The following PKN2 variants were observed in gnomAD, a reference collection of about 807,000 sequenced individuals.
PKN2 encodes the protein protein kinase N2.
In PKN2, 38 loss-of-function variants were observed where a neutral mutation model predicts 119.1. The ratio of observed to expected loss-of-function variants is 0.32; its 90% confidence interval spans 0.25 to 0.42. PKN2 has a LOEUF of 0.42. Ranked by LOEUF, PKN2 falls within the 10% of genes least tolerant of loss-of-function variation. The pLI, the probability that PKN2 is intolerant of heterozygous loss-of-function variation, is 1.00. For missense variants in PKN2, 850 were observed against 1,165.1 expected (o/e 0.73, Z 3.94); for synonymous variants, 390 against 384.9 (o/e 1.01, Z -0.15).
intron 6 of PKN2, among the ~76,000 whole-genome samples, chr1:88,779,195 G>C (rs1255248286): frequency 7.6e-6 from 1 of 130,758 alleles, no homozygotes; most frequent in Non-Finnish European, 1.7e-5. Flanking sequence ...TGGGAGTGAA[G>C]GGAGGGATGA....
At chr1:88,770,057 T>C (rs1392473024) in intron 3 of PKN2, among the ~76,000 whole-genome samples, 1 of 152,196 alleles carries the variant, frequency 6.6e-6, no homozygotes, top group Non-Finnish European at 1.5e-5. Context: ...CAAAACATCA[T>C]GTACACTGCA....
At chr1:88,825,580 C>G (rs1672468423) in intron 18 of PKN2, among the ~76,000 whole-genome samples, 1 of 152,160 alleles carries the variant, frequency 6.6e-6, no homozygotes, top group African/African-American at 2.4e-5. Context: ...TCACAAAATT[C>G]TACTGCCACT....
intron 17 of PKN2, among the ~76,000 whole-genome samples, chr1:88,823,936 G>A (rs1672395809): frequency 6.7e-6 from 1 of 148,432 alleles, no homozygotes; most frequent in South Asian, 2.1e-4. Context: ...TTGTACCCGG[G>A]AGGCAGAGGT....
chr1:88,733,656 T>C (rs1355076794), intron 1 of PKN2, among the ~76,000 whole-genome samples: 1 of 152,212 alleles, frequency 6.6e-6, no homozygotes, highest in Non-Finnish European at 1.5e-5. Context: ...GATTGTTACC[T>C]TTACTATGCA....
At chr1:88,809,468 C>T (rs1391155998) in intron 15 of PKN2, among the ~76,000 whole-genome samples, 1 of 152,138 alleles carries the variant, frequency 6.6e-6, no homozygotes, top group Non-Finnish European at 1.5e-5. Flanking sequence ...CTGTTTACTA[C>T]TTCTATTAAT....
intron 2 of PKN2, among the ~76,000 whole-genome samples, chr1:88,747,377 ATTTG>A (rs759366405): frequency 6.6e-6 from 1 of 152,132 alleles, no homozygotes; most frequent in South Asian, 2.1e-4. Context: ...TAAATATATA[ATTTG>A]TTTGATTAGA....
chr1:88,721,813 G>A lies in PKN2; in HGVS notation c.49-19175G>A, dbSNP rs79052664. On this transcript the variant is annotated intron_variant, in intron 1 of 21. Coordinates refer to ENST00000370521, the MANE Select transcript of PKN2 (RefSeq NM_006256.4). ...GCATCTACATAGGCTTTGAATTTAGGGTGCTTGGATAAACCTCAGGAATCT... is the reference window on the plus strand; with the variant it reads ...GCATCTACATAGGCTTTGAATTTAGAGTGCTTGGATAAACCTCAGGAATCT... 6.2e-3 allele frequency among the ~76,000 whole-genome samples: 945 copies of A among 152,256 alleles called. 11 individuals carry two copies. The highest frequency in any genetic ancestry group is 0.022 in the African/African-American group (902 of 41,548).
chr1:88,749,955 G>A (rs1051970820), intron 2 of PKN2, among the ~76,000 whole-genome samples: 3 of 152,266 alleles, frequency 2.0e-5, no homozygotes, highest in Admixed American at 2.0e-4. Flanking sequence ...TAGAGAGCCA[G>A]CTTGCTATAA....
At chr1:88,705,843 A>G (rs1557552010) in intron 1 of PKN2, among the ~76,000 whole-genome samples, 1 of 151,742 alleles carries the variant, frequency 6.6e-6, no homozygotes, top group Non-Finnish European at 1.5e-5. Context: ...TGCCAGTCCC[A>G]TGCTGTATTT....
intron 2 of PKN2, among the ~76,000 whole-genome samples, chr1:88,750,940 G>T (rs898861629): frequency 1.3e-5 from 2 of 152,114 alleles, no homozygotes; most frequent in African/African-American, 2.4e-5. Flanking sequence ...AAACACTGCT[G>T]CCAGCATTTT....
intron 1 of PKN2, 41 bp from the exon 2 acceptor site, chr1:88,740,947 T>C (rs141947032): frequency 1.5e-6 from 2 of 1,374,766 alleles, no homozygotes; most frequent in South Asian, 1.4e-5. Context: ...AGCAGCCAAC[T>C]CTCCTAAACT....
intron 3 of PKN2, among the ~76,000 whole-genome samples, chr1:88,765,957 G>C (rs1283495268): frequency 6.6e-6 from 1 of 152,052 alleles, no homozygotes; most frequent in African/African-American, 2.4e-5. Flanking sequence ...GATTACAGGT[G>C]GGCACCACCA....
rs191523032 is a variant in PKN2 at position 88,762,098 on chromosome 1, G to A, written c.504+1722G>A. Among the ~76,000 whole-genome samples the A allele has an allele frequency of 2.6e-5, 4 of 152,288 alleles. No individual in the cohort carries two copies. In the East Asian group the frequency reaches 7.7e-4, roughly 29 times the overall value. ...AGTTATAGGAAAAGCAAGTGTGTAT[G>A]TTGATAGTTGTATGGATGAAAGGGC... On this transcript the variant is annotated intron_variant, in intron 3 of 21. Coordinates refer to ENST00000370521, the MANE Select transcript of PKN2 (RefSeq NM_006256.4).
intron 1 of PKN2, among the ~76,000 whole-genome samples, chr1:88,716,589 T>G (rs145783639): frequency 0.021 from 3,190 of 152,344 alleles, 70 homozygotes; most frequent in South Asian, 0.07. Flanking sequence ...GTTTAAAGTC[T>G]GTTTTATCAG....
chr1:88,817,650 A>T (rs1672056029), intron 16 of PKN2, among the ~76,000 whole-genome samples: 3 of 151,818 alleles, frequency 2.0e-5, no homozygotes. Context: ...CAGAGGTTGC[A>T]GTAAGCCGAG....
chr1:88,786,010 G>T (rs1570628205), intron 7 of PKN2, 94 bp from the exon 8 acceptor site: 2 of 662,144 alleles, frequency 3.0e-6, no homozygotes, highest in East Asian at 5.4e-5. Flanking sequence ...ATTTTCAAAG[G>T]GTCTTAAGAC....
rs371696378 is a variant in PKN2, at chr1:88,797,105, G to A, written c.1282-7286G>A. On this transcript the variant is annotated intron_variant, in intron 8 of 21. Transcript: ENST00000370521. Reference sequence around the variant, plus strand: ...TCCCAGCACTTTGAGAGGCTGAGGCGGGCGGATCACCTGAGGTCAGGAGTT... The same window carrying A: ...TCCCAGCACTTTGAGAGGCTGAGGCAGGCGGATCACCTGAGGTCAGGAGTT... Among the ~76,000 whole-genome samples, 38 of 152,056 alleles carry A rather than the reference G, an allele frequency of 2.5e-4. 4 individuals are homozygous for A. The highest frequency in any genetic ancestry group is 1.9e-3 in the Admixed American group (29 of 15,280).
chr1:88,799,533 C>T (rs1671223893), intron 8 of PKN2, among the ~76,000 whole-genome samples: 2 of 152,172 alleles, frequency 1.3e-5, no homozygotes, highest in East Asian at 1.9e-4. Context: ...CTCTGACTTA[C>T]AATGAGAGAC....
At chr1:88,713,194 T>C (rs1312980806) in intron 1 of PKN2, among the ~76,000 whole-genome samples, 2 of 152,212 alleles carry the variant, frequency 1.3e-5, no homozygotes, top group Non-Finnish European at 2.9e-5. Context: ...TTTGGGTTAG[T>C]TCCAAGTCTT....
Sources: allele counts gnomAD v4.1 joint callset (sites outside exome capture counted in the v4.1 genomes callset), GRCh38; gene constraint gnomAD v4.1.1; transcripts MANE v1.5; gene names NCBI Gene and HGNC (gene_info 2026-07-23, HGNC 2026-07-21).